NSMCE2: variants seen among roughly 807,000 people sequenced by gnomAD.
The protein encoded by NSMCE2 is E3 SUMO-protein ligase NSE2.
NSMCE2 carries 24 observed loss-of-function variants against 23.8 expected under a neutral mutation model. That is an observed-to-expected ratio of 1.01 (90% confidence interval 0.73 to 1.42). The LOEUF is 1.42. Among genes scored for constraint, NSMCE2 ranks in the 40% most tolerant of loss-of-function variants. NSMCE2 has a pLI of 0.00. For missense variants in NSMCE2, 284 were observed against 296.5 expected (o/e 0.96, Z 0.31); for synonymous variants, 92 against 94.1 (o/e 0.98, Z 0.13).
At chr8:125,281,666 C>T (rs1349599995) in intron 5 of NSMCE2, among the ~76,000 whole-genome samples, 1 of 152,066 alleles carries the variant, frequency 6.6e-6, no homozygotes, top group Admixed American at 6.6e-5. Flanking sequence ...TCTCGAACTC[C>T]TGGCCTCAAG....
chr8:125,144,650 C>G (rs1027550016), intron 3 of NSMCE2, among the ~76,000 whole-genome samples: 1 of 152,148 alleles, frequency 6.6e-6, no homozygotes, highest in Non-Finnish European at 1.5e-5. Context: ...CCCTCCCTTC[C>G]TTTCCTTTCT....
At chr8:125,239,120 G>T (rs1825666491) in intron 5 of NSMCE2, among the ~76,000 whole-genome samples, 1 of 152,108 alleles carries the variant, frequency 6.6e-6, no homozygotes, top group South Asian at 2.1e-4. Flanking sequence ...ATTTGGCAAG[G>T]TTGGTTTCAT....
chr8:125,171,209 G>A lies in NSMCE2; in HGVS notation c.265-10894G>A, dbSNP rs73348200. On this transcript the variant is annotated intron_variant, in intron 4 of 7. Coordinates refer to ENST00000287437, the MANE Select transcript of NSMCE2 (RefSeq NM_173685.4). ...TTCTCCATGGCACTTATACCATTTA[G>A]CTAGTTACGTATTTTCTTATTATTC... 8.7e-4 allele frequency among the ~76,000 whole-genome samples: 132 copies of A among 152,268 alleles called. 1 individual carries two copies. Among genetic ancestry groups the A allele is most frequent in the African/African-American group, 2.9e-3 (121 of 41,546 alleles).
chr8:125,122,724 C>T (rs1819330855), intron 3 of NSMCE2, among the ~76,000 whole-genome samples: 1 of 152,200 alleles, frequency 6.6e-6, no homozygotes, highest in Admixed American at 6.5e-5. Flanking sequence ...AACAGCAGAG[C>T]ACTTCTTTGC....
At chr8:125,286,308 T>G (rs1827892206) in intron 5 of NSMCE2, among the ~76,000 whole-genome samples, 1 of 86,192 alleles carries the variant, frequency 1.2e-5, no homozygotes. Flanking sequence ...AACAATACCT[T>G]TTATTTATTT....
chr8:125,208,994 T>C (rs1824224079), intron 5 of NSMCE2, among the ~76,000 whole-genome samples: 1 of 152,232 alleles, frequency 6.6e-6, no homozygotes, highest in Non-Finnish European at 1.5e-5. Flanking sequence ...AAAACTTTTT[T>C]AGAGATGGGG....
At chr8:125,260,114 C>T (rs1162284948) in intron 5 of NSMCE2, among the ~76,000 whole-genome samples, 7 of 152,214 alleles carry the variant, frequency 4.6e-5, no homozygotes, top group East Asian at 1.9e-4. Context: ...CAGTCAGTGT[C>T]GAAGCCAGAG....
chr8:125,130,433 T>C (rs1358380063), intron 3 of NSMCE2: 1 of 262,650 alleles, frequency 3.8e-6, no homozygotes, highest in African/African-American at 2.2e-5. Flanking sequence ...CAAGGGGACA[T>C]AATTAAACTC....
At chr8:125,181,661 G>C (rs903490007) in intron 4 of NSMCE2, among the ~76,000 whole-genome samples, 1 of 151,750 alleles carries the variant, frequency 6.6e-6, no homozygotes, top group African/African-American at 2.4e-5. Flanking sequence ...AGCCACTTTT[G>C]TAAAGCAGAA....
intron 3 of NSMCE2, among the ~76,000 whole-genome samples, chr8:125,112,403 C>G (rs1563656892): frequency 6.6e-6 from 1 of 152,090 alleles, no homozygotes; most frequent in Non-Finnish European, 1.5e-5. Context: ...GGGTATGTAT[C>G]CAAAGGATGT....
intron 4 of NSMCE2, among the ~76,000 whole-genome samples, chr8:125,171,217 C>T (rs1434593203): frequency 2.0e-5 from 3 of 152,168 alleles, no homozygotes; most frequent in African/African-American, 7.2e-5. Flanking sequence ...TAGCTAGTTA[C>T]GTATTTTCTT....
chr8:125,264,837 G>T (rs1218635965), intron 5 of NSMCE2, among the ~76,000 whole-genome samples: 1 of 152,024 alleles, frequency 6.6e-6, no homozygotes, highest in Non-Finnish European at 1.5e-5. Flanking sequence ...CTGAAAAATG[G>T]CCTTATATCT....
intron 5 of NSMCE2, among the ~76,000 whole-genome samples, chr8:125,324,570 TTC>T (rs1829578401): frequency 1.1e-5 from 1 of 88,084 alleles, no homozygotes; most frequent in Non-Finnish European, 2.5e-5. Flanking sequence ...TTTGATAAAA[TTC>T]TTTTTTTTTT....
chr8:125,293,380 C>G (rs1276676260), intron 5 of NSMCE2, among the ~76,000 whole-genome samples: 1 of 152,140 alleles, frequency 6.6e-6, no homozygotes, highest in African/African-American at 2.4e-5. Flanking sequence ...TTTTAGATAC[C>G]TCAGATTTAG....
At chr8:125,109,128 C>T (rs1430509927) in intron 3 of NSMCE2, among the ~76,000 whole-genome samples, 1 of 152,158 alleles carries the variant, frequency 6.6e-6, no homozygotes, top group African/African-American at 2.4e-5. Flanking sequence ...TGCTATGTAT[C>T]TTATACCCTC....
chr8:125,235,307 TC>T (rs550962130), intron 5 of NSMCE2, among the ~76,000 whole-genome samples: 2 of 152,288 alleles, frequency 1.3e-5, no homozygotes, highest in South Asian at 4.1e-4. Context: ...TGCATTTTTT[TC>T]TTCTTGATTT....
At chr8:125,176,268 T>C (rs377087113) in intron 4 of NSMCE2, among the ~76,000 whole-genome samples, 6 of 152,352 alleles carry the variant, frequency 3.9e-5, no homozygotes, top group African/African-American at 1.4e-4. Flanking sequence ...CTCTAGTGAC[T>C]CAAAAATCTA....
chr8:125,274,429 A>C (rs1214030715), intron 5 of NSMCE2, among the ~76,000 whole-genome samples: 1 of 152,184 alleles, frequency 6.6e-6, no homozygotes, highest in Non-Finnish European at 1.5e-5. Flanking sequence ...CTAGCTTTTA[A>C]AAATGAATTG....
chr8:125,343,510 G>A (rs1563796290), intron 5 of NSMCE2, among the ~76,000 whole-genome samples: 1 of 152,112 alleles, frequency 6.6e-6, no homozygotes, highest in African/African-American at 2.4e-5. Context: ...GTGTTGGCAC[G>A]CACCTATAGT....
Sources: gnomAD v4.1 joint callset for allele counts (sites outside exome capture counted in the v4.1 genomes callset) on GRCh38, gnomAD v4.1.1 for gene constraint, MANE v1.5 for transcripts, NCBI Gene and HGNC (gene_info 2026-07-23, HGNC 2026-07-21) for gene names.